The following TIMP3 variants were observed in gnomAD, a reference collection of about 807,000 sequenced individuals.
The protein encoded by TIMP3 is TIMP metallopeptidase inhibitor 3, also known as metalloproteinase inhibitor 3.
TIMP3 carries 11 observed loss-of-function variants against 30.0 expected under a neutral mutation model. The ratio of observed to expected loss-of-function variants is 0.37; its 90% CI spans 0.23 to 0.61. The LOEUF is 0.61. TIMP3 is among the 20% of genes least tolerant of loss of function. The pLI, the probability that TIMP3 is intolerant of heterozygous loss-of-function variation, is 0.70. For missense variants in TIMP3, 181 were observed against 276.8 expected (o/e 0.65, Z 2.45); for synonymous variants, 112 against 111.3 (o/e 1.01, Z -0.04).
rs1264624110 is a variant in TIMP3 at position 32,859,173 on chromosome 22, A to C, written c.439-7A>C. On this transcript the variant is annotated splice_region_variant and splice_polypyrimidine_tract_variant and intron_variant, in intron 4 of 4. Coordinates refer to ENST00000266085, the MANE Select transcript of TIMP3 (RefSeq NM_000362.5). Reference sequence around the variant, plus strand: ...TCCATCAACTGCTGCCTGTTATCTAATTGCAGATCAAGTCCTGCTACTACC... The same window carrying C: ...TCCATCAACTGCTGCCTGTTATCTACTTGCAGATCAAGTCCTGCTACTACC... 1 of 1,614,138 alleles carries C rather than the reference A, an allele frequency of 6.2e-7. No individual in the cohort carries two copies. Among genetic ancestry groups the C allele is most frequent in the Non-Finnish European group, 8.5e-7 (1 of 1,180,000 alleles).
chr22:32,807,580 C>T (rs1047128760), intron 1 of TIMP3, among the ~76,000 whole-genome samples: 1 of 149,564 alleles, frequency 6.7e-6, no homozygotes, highest in Non-Finnish European at 1.5e-5. Flanking sequence ...GGGAGGTGTG[C>T]TATTGTCATC....
At chr22:32,807,355 AATATAT>A (rs2046776112) in intron 1 of TIMP3, among the ~76,000 whole-genome samples, 1 of 19,910 alleles carries the variant, frequency 5.0e-5, no homozygotes, top group African/African-American at 1.5e-4. Flanking sequence ...ATAAATATAT[AATATAT>A]AATATATATT....
chr22:32,836,802 C>T (rs1052599756), intron 1 of TIMP3, among the ~76,000 whole-genome samples: 4 of 152,142 alleles, frequency 2.6e-5, no homozygotes, highest in African/African-American at 9.7e-5. Context: ...GGAAAGCCTA[C>T]ACTATTTTAA....
chr22:32,829,656 C>T (rs2047518418), intron 1 of TIMP3, among the ~76,000 whole-genome samples: 1 of 152,140 alleles, frequency 6.6e-6, no homozygotes, highest in Admixed American at 6.5e-5. Context: ...ACTGGCTGTT[C>T]CCTCCTCCAG....
intron 2 of TIMP3, among the ~76,000 whole-genome samples, chr22:32,855,347 G>C (rs1013043412): frequency 1.3e-5 from 2 of 152,198 alleles, no homozygotes; most frequent in African/African-American, 4.8e-5. Flanking sequence ...CTGTGCCTCT[G>C]AAGGAGGCAC....
At chr22:32,817,674 T>C (rs772713717) in intron 1 of TIMP3, among the ~76,000 whole-genome samples, 1 of 152,242 alleles carries the variant, frequency 6.6e-6, no homozygotes, top group African/African-American at 2.4e-5. Context: ...TGGTCATGAC[T>C]TGTTTTATAA....
chr22:32,805,453 C>A (rs906401697), intron 1 of TIMP3, among the ~76,000 whole-genome samples: 7 of 152,180 alleles, frequency 4.6e-5, no homozygotes, highest in Admixed American at 2.0e-4. Flanking sequence ...TAGAAAGAAT[C>A]AGACTTTGGA....
intron 1 of TIMP3, among the ~76,000 whole-genome samples, chr22:32,810,208 G>T (rs1168085371): frequency 1.3e-5 from 2 of 152,192 alleles, no homozygotes; most frequent in Non-Finnish European, 2.9e-5. Flanking sequence ...AAAAATTAGT[G>T]TTTGTAGCTT....
intron 1 of TIMP3, among the ~76,000 whole-genome samples, chr22:32,811,037 T>C (rs2046902438): frequency 1.3e-5 from 2 of 152,156 alleles, no homozygotes; most frequent in Non-Finnish European, 2.9e-5. Flanking sequence ...AAATACTTCA[T>C]GGAATGTTTA....
chr22:32,857,597 C>G (rs1243072730), intron 3 of TIMP3, among the ~76,000 whole-genome samples: 1 of 152,210 alleles, frequency 6.6e-6, no homozygotes, highest in Non-Finnish European at 1.5e-5. Context: ...TAATTTGTAG[C>G]TTCTCAACTT....
In TIMP3 at chr22:32,839,184, C is replaced by T. The variant is rs534794932; in HGVS notation, c.122-10268C>T. 2.0e-5 allele frequency among the ~76,000 whole-genome samples: 3 copies of T among 152,060 alleles called. No homozygotes were observed. The East Asian group carries it at 5.8e-4, about 30-fold the overall frequency. On this transcript the variant is annotated intron_variant, in intron 1 of 4. Coordinates refer to ENST00000266085, the MANE Select transcript of TIMP3 (RefSeq NM_000362.5). Reference sequence around the variant, plus strand: ...AGTGATAGGGTTTGAGGTATGGTCCCAGCTCTGAAGAGCCATATATATGCC... The same window carrying T: ...AGTGATAGGGTTTGAGGTATGGTCCTAGCTCTGAAGAGCCATATATATGCC...
At chr22:32,858,249 G>C in intron 4 of TIMP3, 111 bp downstream of exon 4, 1 of 1,497,506 alleles carries the variant, frequency 6.7e-7, no homozygotes, top group Non-Finnish European at 9.1e-7. Flanking sequence ...GGGTATGCAT[G>C]TGTTAGGCCA....
chr22:32,857,151 T>C, intron 2 of TIMP3, 98 bp from the exon 3 acceptor site: 1 of 926,914 alleles, frequency 1.1e-6, no homozygotes, highest in Non-Finnish European at 1.8e-6. Context: ...CATATTCCGA[T>C]TTCCTTTCCT....
At chr22:32,844,310 T>C (rs1006621897) in intron 1 of TIMP3, among the ~76,000 whole-genome samples, 1 of 152,234 alleles carries the variant, frequency 6.6e-6, no homozygotes, top group Non-Finnish European at 1.5e-5. Context: ...GACACACCAG[T>C]AAGCTTTTCT....
At chr22:32,827,279 G>T (rs1231201965) in intron 1 of TIMP3, among the ~76,000 whole-genome samples, 2 of 152,172 alleles carry the variant, frequency 1.3e-5, no homozygotes, top group South Asian at 4.1e-4. Context: ...ACAGAGCCAG[G>T]CGTGGCCTAT....
chr22:32,837,238 C>A lies in TIMP3; in HGVS notation c.122-12214C>A, dbSNP rs1023766148. ...GCTTCAAAGGGGCTGTGGTTGAAGACCATGCTGCTATTCTGGTGGCCACTT... is the reference window on the plus strand; with the variant it reads ...GCTTCAAAGGGGCTGTGGTTGAAGAACATGCTGCTATTCTGGTGGCCACTT... On this transcript the variant is annotated intron_variant, in intron 1 of 4. Coordinates refer to ENST00000266085, the MANE Select transcript of TIMP3 (RefSeq NM_000362.5). The surrounding 1 kb of genome is among the most constrained non-coding windows in gnomAD (Gnocchi z 4.1). Among the ~76,000 whole-genome samples the A allele has an allele frequency of 2.0e-5, 3 of 152,162 alleles. No individual in the cohort carries two copies. Among genetic ancestry groups the A allele is most frequent in the African/African-American group, 7.2e-5 (3 of 41,426 alleles).
At chr22:32,830,763 G>C (rs995675019) in intron 1 of TIMP3, among the ~76,000 whole-genome samples, 5 of 152,026 alleles carry the variant, frequency 3.3e-5, no homozygotes, top group Admixed American at 6.5e-5. Flanking sequence ...CAGTCACATG[G>C]ACCGTGAGTG....
At chr22:32,852,338 T>C (rs891135560) in intron 2 of TIMP3, among the ~76,000 whole-genome samples, 6 of 152,212 alleles carry the variant, frequency 3.9e-5, no homozygotes, top group African/African-American at 1.4e-4. Flanking sequence ...ATGTTTTTAG[T>C]TCCCAGGGAA....
At chr22:32,833,642 G>A (rs985828160) in intron 1 of TIMP3, among the ~76,000 whole-genome samples, 8 of 152,188 alleles carry the variant, frequency 5.3e-5, no homozygotes, top group African/African-American at 1.7e-4. Context: ...AAGGCAGGTA[G>A]GACCCAGAGA....
Sources: allele counts gnomAD v4.1 joint callset (sites outside exome capture counted in the v4.1 genomes callset), GRCh38; gene constraint gnomAD v4.1.1; non-coding constraint Gnocchi (gnomAD v3.1); transcripts MANE v1.5; gene names NCBI Gene and HGNC (gene_info 2026-07-23, HGNC 2026-07-21).